The following AFDN variants were observed in gnomAD, a reference collection of about 807,000 sequenced individuals.
AFDN encodes the protein afadin.
A neutral mutation model predicts 216.6 loss-of-function variants in AFDN; 68 were observed. That is an observed-to-expected ratio of 0.31 (90% CI 0.26 to 0.38). The LOEUF (loss-of-function observed/expected upper bound fraction) is 0.38, where lower values mean the gene tolerates loss of function less well. Among genes scored for constraint, AFDN ranks in the 10% least tolerant of loss-of-function variants. The pLI is 1.00. For synonymous variants in AFDN, 868 were observed against 853.7 expected (o/e 1.02, Z -0.29); for missense variants, 2,136 against 2,342.0 (o/e 0.91, Z 1.82).
rs1307053954 is a variant in AFDN at position 167,969,238 on chromosome 6, C to T, written c.5342+40C>T. ...ACTAGACGAGGAACTTCATCTGTAC[C>T]TGATGAGCCCTTTCACTCTTCACGA... On this transcript the variant is annotated intron_variant, in intron 33 of 33. Transcript: ENST00000683244. The T allele has an allele frequency of 4.1e-6, 6 of 1,460,092 alleles. No homozygotes were observed. In the Admixed American group the frequency reaches 5.0e-5, roughly 12 times the overall value. The allele number at this position is 1,460,092 out of a possible 1,614,324, so 90.4% of individuals were successfully genotyped here. A position where few individuals can be genotyped will look rare whatever the true frequency, so the allele number is the denominator to read the frequency against.
rs780754363 is a variant in AFDN at position 167,880,416 on chromosome 6, A to G, written c.796A>G (p.Ile266Val). Residue 266 changes from isoleucine (I) to valine (V), a missense_variant, in exon 6 of 34, where the codon ATC becomes GTC. This residue lies in a region of AFDN where 817 missense variants were observed against 965.7 expected (regional missense o/e 0.85). Coordinates refer to ENST00000683244, the MANE Select transcript of AFDN (RefSeq NM_001386888.1). ...AAAACCAAATATTCCCTACAAGACA[A>G]TCCTGCTGTCTACTACAGATCCTGC... ...SLKPNIPYKT[I>V]LLSTTDPADF... 1.4e-5 allele frequency: 22 copies of G among 1,613,772 alleles called. No individual in the cohort carries two copies. Among genetic ancestry groups the G allele is most frequent in the Admixed American group, 1.2e-4 (7 of 60,008 alleles).
intron 22 of AFDN, among the ~76,000 whole-genome samples, chr6:167,924,239 A>G (rs1218873223): frequency 1.3e-5 from 2 of 152,172 alleles, no homozygotes; most frequent in Non-Finnish European, 2.9e-5. Flanking sequence ...CTGCTTATAT[A>G]TTTAATTACT....
intron 1 of AFDN, among the ~76,000 whole-genome samples, chr6:167,842,621 T>C (rs1483015736): frequency 6.6e-6 from 1 of 152,194 alleles, no homozygotes. Flanking sequence ...TACTGGGCTG[T>C]CTTCCTTCCT....
intron 23 of AFDN, among the ~76,000 whole-genome samples, chr6:167,926,419 T>C (rs186665921): frequency 6.6e-6 from 1 of 152,364 alleles, no homozygotes; most frequent in African/African-American, 2.4e-5. Context: ...TTGCATCTAC[T>C]GTCCCATCAT....
chr6:167,880,350 G>T lies in AFDN; in HGVS notation c.740-10G>T. ...AAGTTGTACTCAAAGATGTCAAAAT[G>T]TTTTTTCAGGTGGAACATTGAGAAT... is the stretch of plus-strand genomic sequence containing the variant. On this transcript the variant is annotated splice_polypyrimidine_tract_variant and intron_variant, in intron 5 of 33. Coordinates refer to ENST00000683244, the MANE Select transcript of AFDN (RefSeq NM_001386888.1). The T allele has an allele frequency of 1.9e-6, 3 of 1,609,092 alleles. No individual in the cohort carries two copies. Among genetic ancestry groups the T allele is most frequent in the Non-Finnish European group, 2.5e-6 (3 of 1,177,054 alleles).
chr6:167,849,345 A>AG (rs980667785), intron 1 of AFDN, among the ~76,000 whole-genome samples: 1 of 152,004 alleles, frequency 6.6e-6, no homozygotes, highest in Non-Finnish European at 1.5e-5. Context: ...CAACATGTTT[A>AG]GGTTTAGTAT....
Position 167,962,324 on chromosome 6 carries a change from CTG to C in AFDN, c.4834-97_4834-96del, listed in dbSNP as rs898938916. On this transcript the variant is annotated intron_variant, in intron 30 of 33. Coordinates refer to ENST00000683244, the MANE Select transcript of AFDN (RefSeq NM_001386888.1). The surrounding 1 kb of genome is among the most constrained non-coding windows in gnomAD (Gnocchi z 5.2). ...AACCTGGTATTTTATATTTAACTTT[CTG>C]TGTGTGTGTGTTTGTGTATATGTGT... The C allele has an allele frequency of 1.0e-3, 1,397 of 1,338,866 alleles. No homozygotes were observed. The highest frequency in any genetic ancestry group is 1.9e-3 in the South Asian group (108 of 55,892). 82.9% of individuals were successfully genotyped at this position (1,338,866 alleles called of 1,614,324 possible).
chr6:167,916,775 A>G (rs1791127051), intron 19 of AFDN, among the ~76,000 whole-genome samples: 1 of 152,198 alleles, frequency 6.6e-6, no homozygotes, highest in African/African-American at 2.4e-5. Flanking sequence ...TACACCAGTA[A>G]TTGGTCATCT....
At chr6:167,846,055 C>A (rs1466340867) in intron 1 of AFDN, among the ~76,000 whole-genome samples, 1 of 152,104 alleles carries the variant, frequency 6.6e-6, no homozygotes, top group Non-Finnish European at 1.5e-5. Flanking sequence ...ATGATCCAAT[C>A]ACTTCCCTCC....
At chr6:167,853,308 A>G (rs142539273) in intron 1 of AFDN, among the ~76,000 whole-genome samples, 1,614 of 152,196 alleles carry the variant, frequency 0.011, 27 homozygotes, top group Non-Finnish European at 0.011. Flanking sequence ...AGTTATTATT[A>G]CAACATATTG....
intron 6 of AFDN, among the ~76,000 whole-genome samples, chr6:167,881,253 A>G (rs528393179): frequency 1.3e-5 from 2 of 152,324 alleles, no homozygotes; most frequent in East Asian, 3.9e-4. Context: ...TTTGCTGAGA[A>G]GCTAAGAAGT....
intron 1 of AFDN, among the ~76,000 whole-genome samples, chr6:167,845,389 TTTTTC>T (rs1421906746): frequency 2.0e-5 from 3 of 150,938 alleles, no homozygotes; most frequent in African/African-American, 5.0e-5. Context: ...TTTTCTTTTC[TTTTTC>T]TTTTCTTTTC....
intron 6 of AFDN, among the ~76,000 whole-genome samples, chr6:167,883,735 T>C (rs1374675499): frequency 6.6e-6 from 1 of 152,224 alleles, no homozygotes; most frequent in African/African-American, 2.4e-5. Context: ...CAGCAAGTTA[T>C]AATCTTTTTG....
chr6:167,870,186 G>A (rs1175131370), intron 2 of AFDN, among the ~76,000 whole-genome samples, 200 bp from the exon 3 acceptor site: 3 of 152,138 alleles, frequency 2.0e-5, no homozygotes, highest in Admixed American at 6.5e-5. Flanking sequence ...GTCTGGCACT[G>A]GATATGTGGT....
chr6:167,864,331 C>T (rs767521159), intron 1 of AFDN: 1 of 738,524 alleles, frequency 1.4e-6, no homozygotes, highest in South Asian at 1.4e-5. Flanking sequence ...GCCATTATTT[C>T]ATACGTGACA....
At position 167,943,478 on chromosome 6, in the gene AFDN, A is replaced by G. The variant is rs1562716954; in HGVS notation, c.3239+3A>G. 1.2e-6 allele frequency: 2 copies of G among 1,610,726 alleles called. No homozygotes were observed. Among genetic ancestry groups the G allele is most frequent in the Non-Finnish European group, 8.5e-7 (1 of 1,176,862 alleles). ...CTGGTTGGACTCTCTCAGGAAAGGTATCATTGATTTATTTGCTTGAAGCAT... is the reference window on the plus strand; with the variant it reads ...CTGGTTGGACTCTCTCAGGAAAGGTGTCATTGATTTATTTGCTTGAAGCAT... On this transcript the variant is annotated splice_donor_region_variant and intron_variant, in intron 25 of 33. Coordinates refer to ENST00000683244, the MANE Select transcript of AFDN (RefSeq NM_001386888.1).
In AFDN at chr6:167,960,545, G is replaced by A. The variant is rs546404777; in HGVS notation, c.4834-1888G>A. 1.3e-4 allele frequency among the ~76,000 whole-genome samples: 20 copies of A among 152,336 alleles called. 1 individual carries two copies. In the East Asian group the frequency reaches 3.5e-3, roughly 26 times the overall value. On this transcript the variant is annotated intron_variant, in intron 30 of 33. Coordinates refer to ENST00000683244, the MANE Select transcript of AFDN (RefSeq NM_001386888.1). ...AATTAGTTTGTGCTTTGTGGGATAA[G>A]GAAAAGGCCCATATTGCATTAATGC... is the stretch of plus-strand genomic sequence containing the variant.
intron 1 of AFDN, among the ~76,000 whole-genome samples, chr6:167,861,477 CT>C (rs771344780): frequency 6.6e-6 from 1 of 151,976 alleles, no homozygotes; most frequent in South Asian, 2.1e-4. Flanking sequence ...CCTTGGGTTT[CT>C]TTTTTTTCTC....
intron 2 of AFDN, among the ~76,000 whole-genome samples, chr6:167,870,068 A>C (rs1784625897): frequency 6.6e-6 from 1 of 152,210 alleles, no homozygotes; most frequent in Admixed American, 6.5e-5. Flanking sequence ...AATTTGATTT[A>C]CAGAAATAAG....
Sources: gnomAD v4.1 joint callset for allele counts (sites outside exome capture counted in the v4.1 genomes callset) on GRCh38, gnomAD v4.1.1 for gene constraint, gnomAD v4.1.1 regional missense constraint, Gnocchi (gnomAD v3.1) non-coding constraint, MANE v1.5 for transcripts, NCBI Gene and HGNC (gene_info 2026-07-23, HGNC 2026-07-21) for gene names.